TDRD9: variants seen among roughly 807,000 people sequenced by gnomAD.
TDRD9 encodes the protein ATP-dependent RNA helicase TDRD9.
A neutral mutation model predicts 172.6 loss-of-function variants in TDRD9; 124 were observed. That is an observed-to-expected ratio of 0.72 (90% CI 0.62 to 0.83). The LOEUF is 0.83. TDRD9 is among the 40% of genes least tolerant of loss of function. The pLI is 0.00. For synonymous variants in TDRD9, 619 were observed against 617.1 expected, an observed-to-expected ratio of 1.00 and a Z score of -0.05; for missense variants, 1,479 against 1,714.1, an observed-to-expected ratio of 0.86 and a Z score of 2.42.
At chr14:103,941,685 A>G in intron 1 of TDRD9, 1 of 1,513,646 alleles carries the variant, frequency 6.6e-7, no homozygotes, top group Non-Finnish European at 8.8e-7. Flanking sequence ...CATCCAGCCA[A>G]AAAGTGGCAT....
At chr14:103,979,050 T>C (rs888698660) in intron 7 of TDRD9, among the ~76,000 whole-genome samples, 1 of 152,180 alleles carries the variant, frequency 6.6e-6, no homozygotes, top group Non-Finnish European at 1.5e-5. Flanking sequence ...GCCTCCTCCT[T>C]TCCCCTACCC....
At chr14:103,958,629 A>T (rs117316063) in intron 2 of TDRD9, among the ~76,000 whole-genome samples, 3 of 152,184 alleles carry the variant, frequency 2.0e-5, no homozygotes, top group Admixed American at 2.0e-4. Flanking sequence ...CAGAAGTCAT[A>T]GGTTGGAGTG....
chr14:103,955,703 C>T lies in TDRD9; in HGVS notation c.255C>T (p.Asn85=). ...SQRSSEVEYI[N]KYRQLEAQEL... ...GGAGCTCAGAAGTAGAGTATATTAA[C>T]AAATACAGACAGCTCGAAGCACAAG... The change falls in exon 2 of 36, where the codon AAC becomes AAT. Residue 85 remains asparagine, a synonymous_variant. Transcript: ENST00000409874. 1 of 1,551,370 alleles carries T rather than the reference C, an allele frequency of 6.4e-7. No homozygotes were observed. Among genetic ancestry groups the T allele is most frequent in the Non-Finnish European group, 8.7e-7 (1 of 1,146,832 alleles).
At chr14:103,982,262 G>A (rs2033501003) in intron 7 of TDRD9, among the ~76,000 whole-genome samples, 1 of 152,094 alleles carries the variant, frequency 6.6e-6, no homozygotes, top group African/African-American at 2.4e-5. Context: ...ACCCACCTTA[G>A]GTCTCAGGCT....
chr14:104,026,171 C>T (rs373422404), intron 27 of TDRD9, 35 bp downstream of exon 27: 345 of 1,367,574 alleles, frequency 2.5e-4, no homozygotes, highest in Non-Finnish European at 3.3e-4. Flanking sequence ...ATGAATGCTG[C>T]ATGCTGGACA....
intron 8 of TDRD9, among the ~76,000 whole-genome samples, chr14:103,987,511 A>G (rs1289710900): frequency 6.6e-6 from 1 of 151,762 alleles, no homozygotes. Context: ...TCTTTGGCTT[A>G]TTGGTTTTTA....
chr14:103,969,793 C>T (rs1595928661), intron 5 of TDRD9, among the ~76,000 whole-genome samples: 1 of 140,802 alleles, frequency 7.1e-6, no homozygotes, highest in African/African-American at 2.6e-5. Flanking sequence ...GGCTGCCTAG[C>T]CCTTGGGTGC....
chr14:103,965,662 T>C, intron 4 of TDRD9, 108 bp downstream of exon 4: 1 of 1,002,108 alleles, frequency 1.0e-6, no homozygotes, highest in South Asian at 1.6e-5. Context: ...CATTTTCTGC[T>C]GAAAATTAGT....
chr14:104,018,009 G>T, intron 22 of TDRD9, 83 bp from the exon 23 acceptor site: 1 of 775,858 alleles, frequency 1.3e-6, no homozygotes, highest in Non-Finnish European at 2.2e-6. Context: ...CTAAAACAGT[G>T]TGCAGCAGCT....
At chr14:104,024,442 G>A (rs2035052981) in intron 24 of TDRD9, 127 bp from the exon 25 acceptor site, 1 of 551,528 alleles carries the variant, frequency 1.8e-6, no homozygotes, top group Admixed American at 3.5e-5. Flanking sequence ...CTCTGGCTTA[G>A]GTATTTTATT....
intron 11 of TDRD9, among the ~76,000 whole-genome samples, chr14:103,994,859 G>A (rs953626942): frequency 3.9e-5 from 6 of 151,914 alleles, no homozygotes; most frequent in Non-Finnish European, 7.4e-5. Flanking sequence ...GGAGGCTGAG[G>A]TGGGAGACTT....
At chr14:104,039,180 C>T (rs960054746) in intron 32 of TDRD9, among the ~76,000 whole-genome samples, 9 of 152,128 alleles carry the variant, frequency 5.9e-5, no homozygotes, top group East Asian at 5.8e-4. Context: ...AAGCCCCTTA[C>T]GAAACCATGA....
At chr14:104,032,356 G>A (rs1596011642) in intron 30 of TDRD9, among the ~76,000 whole-genome samples, 1 of 152,102 alleles carries the variant, frequency 6.6e-6, no homozygotes, top group East Asian at 1.9e-4. Flanking sequence ...ACAGGCACGT[G>A]CCACCACACC....
chr14:103,987,080 C>T (rs1396778337), intron 8 of TDRD9, among the ~76,000 whole-genome samples: 1 of 151,962 alleles, frequency 6.6e-6, no homozygotes, highest in Admixed American at 6.6e-5. Context: ...TGCCACTGCA[C>T]TCCAGCCTGG....
intron 18 of TDRD9, 106 bp downstream of exon 18, chr14:104,006,951 A>G (rs965514635): frequency 6.3e-6 from 7 of 1,108,626 alleles, no homozygotes; most frequent in Admixed American, 4.1e-5. Flanking sequence ...TTATCTAGTG[A>G]AAGTATTATC....
At chr14:104,046,763 A>G (rs541494730) in intron 34 of TDRD9, among the ~76,000 whole-genome samples, 113 of 151,998 alleles carry the variant, frequency 7.4e-4, no homozygotes, top group African/African-American at 2.6e-3. Context: ...CTCCTGCCTC[A>G]GCCTCCTGAG....
intron 23 of TDRD9, among the ~76,000 whole-genome samples, chr14:104,019,133 A>C (rs2034877522): frequency 6.6e-6 from 1 of 152,232 alleles, no homozygotes; most frequent in South Asian, 2.1e-4. Context: ...TATATAAAGT[A>C]ACTTACTTAA....
In TDRD9 at chr14:104,006,373, A is replaced by G; in HGVS notation, c.1714-16A>G. On this transcript the variant is annotated splice_polypyrimidine_tract_variant and intron_variant, in intron 15 of 35. Transcript: ENST00000409874. ...AAGTCAGTGCTTGATAATAACACTA[A>G]TTTTATTTTATAAAGGTTGGAGCAC... is the stretch of plus-strand genomic sequence containing the variant. The G allele has an allele frequency of 6.2e-7, 1 of 1,609,496 alleles. No individual in the cohort carries two copies. The highest frequency in any genetic ancestry group is 8.5e-7 in the Non-Finnish European group (1 of 1,177,482).
intron 23 of TDRD9, among the ~76,000 whole-genome samples, chr14:104,019,785 GGA>G (rs1344452436): frequency 6.6e-6 from 1 of 152,230 alleles, no homozygotes; most frequent in Non-Finnish European, 1.5e-5. Context: ...TGGTAGGAGT[GGA>G]GAGTCAAATT....
Sources: gnomAD v4.1 joint callset for allele counts (sites outside exome capture counted in the v4.1 genomes callset) on GRCh38, gnomAD v4.1.1 for gene constraint, MANE v1.5 for transcripts, NCBI Gene and HGNC (gene_info 2026-07-23, HGNC 2026-07-21) for gene names.